The following SLCO1B3 variants were observed in gnomAD, a reference collection of about 807,000 sequenced individuals.
SLCO1B3 encodes the protein liver-specific organic anion transporter 2.
Under a neutral mutation model 71.8 loss-of-function variants are expected in SLCO1B3, and 72 were observed. The ratio of observed to expected loss-of-function variants is 1.00; its 90% confidence interval spans 0.83 to 1.22. The LOEUF is 1.22. SLCO1B3 is among the 50% of genes most tolerant of loss of function. The pLI, the probability that SLCO1B3 is intolerant of heterozygous loss-of-function variation, is 0.00. For synonymous variants in SLCO1B3, 298 were observed against 278.4 expected (o/e 1.07, Z -0.70); for missense variants, 911 against 819.7 (o/e 1.11, Z -1.36).
chr12:20,909,233 T>G (rs1338659431), intron 15 of SLCO1B3, among the ~76,000 whole-genome samples: 1 of 149,554 alleles, frequency 6.7e-6, no homozygotes, highest in Admixed American at 6.7e-5. Flanking sequence ...TGGCATGATC[T>G]CGGCTCACTG....
At position 20,878,090 on chromosome 12, in the gene SLCO1B3, T is replaced by C. The variant is rs4149140; in HGVS notation, c.1135+154T>C. 4.9e-4 allele frequency among the ~76,000 whole-genome samples: 75 copies of C among 152,112 alleles called. 1 individual carries two copies. In the East Asian group the frequency reaches 0.012, roughly 25 times the overall value. ...TACAAAATTTCTCCATCTTGTAATA[T>C]CATCGTTGTTCTGCATTTGAAGTTG... On this transcript the variant is annotated intron_variant, in intron 10 of 15. Coordinates refer to ENST00000381545, the MANE Select transcript of SLCO1B3 (RefSeq NM_019844.4).
At chr12:20,890,876 C>A (rs1349592752) in intron 13 of SLCO1B3, among the ~76,000 whole-genome samples, 1 of 151,714 alleles carries the variant, frequency 6.6e-6, no homozygotes, top group Non-Finnish European at 1.5e-5. Context: ...CTTTTTGCAC[C>A]CCTTTGGTTT....
chr12:20,852,634 G>A (rs1455611783), intron 3 of SLCO1B3, among the ~76,000 whole-genome samples: 1 of 151,864 alleles, frequency 6.6e-6, no homozygotes, highest in African/African-American at 2.4e-5. Context: ...TATTTAATAG[G>A]TTTCAGTGTA....
At chr12:20,880,296 CTAT>C (rs1317650370) in intron 11 of SLCO1B3, among the ~76,000 whole-genome samples, 25 of 151,502 alleles carry the variant, frequency 1.7e-4, no homozygotes, top group African/African-American at 5.3e-4. Context: ...TCAACTAATT[CTAT>C]TATTCTTGAT....
intron 3 of SLCO1B3, among the ~76,000 whole-genome samples, chr12:20,852,012 A>G (rs1055816398): frequency 2.6e-5 from 4 of 152,166 alleles, no homozygotes; most frequent in Non-Finnish European, 5.9e-5. Context: ...CCATTGTTTT[A>G]TATGATTATC....
At chr12:20,893,778 G>A (rs912108834) in intron 13 of SLCO1B3, among the ~76,000 whole-genome samples, 1 of 152,170 alleles carries the variant, frequency 6.6e-6, no homozygotes, top group African/African-American at 2.4e-5. Context: ...TAAACCATGT[G>A]GAATGAGAGC....
chr12:20,830,401 A>C (rs544178348), intron 3 of SLCO1B3, among the ~76,000 whole-genome samples: 1 of 152,310 alleles, frequency 6.6e-6, no homozygotes, highest in East Asian at 1.9e-4. Flanking sequence ...TTGAAGGGGA[A>C]GGAGAGGTGA....
chr12:20,857,498 A>G (rs1473559203), intron 4 of SLCO1B3, among the ~76,000 whole-genome samples: 1 of 151,656 alleles, frequency 6.6e-6, no homozygotes, highest in Non-Finnish European at 1.5e-5. Flanking sequence ...GTCATCTTTT[A>G]TATCAAGTTC....
intron 3 of SLCO1B3, among the ~76,000 whole-genome samples, chr12:20,843,276 GT>G (rs1339476379): frequency 5.9e-5 from 9 of 151,856 alleles, no homozygotes; most frequent in Admixed American, 5.9e-4. Context: ...ATTATCAAGT[GT>G]TTTATTCACC....
chr12:20,881,027 ATTAG>A lies in SLCO1B3; in HGVS notation c.1497+10_1497+13del. 1 of 1,575,992 alleles carries A rather than the reference ATTAG, an allele frequency of 6.3e-7. No homozygotes were observed. The highest frequency in any genetic ancestry group is 1.7e-4 in the Middle Eastern group (1 of 5,900). Reference sequence around the variant, plus strand: ...TGGTATTAAAAAGCATACAGTGAGTATTAGTTTTCACTTTTTCTCCTCTCCTTAA... The same window carrying A: ...TGGTATTAAAAAGCATACAGTGAGTATTTTCACTTTTTCTCCTCTCCTTAA... On this transcript the variant is annotated splice_region_variant and intron_variant, in intron 12 of 15. Coordinates refer to ENST00000381545, the MANE Select transcript of SLCO1B3 (RefSeq NM_019844.4).
intron 5 of SLCO1B3, among the ~76,000 whole-genome samples, chr12:20,860,425 A>T (rs1865236606): frequency 6.6e-6 from 1 of 152,164 alleles, no homozygotes; most frequent in African/African-American, 2.4e-5. Context: ...TTTGAAGTTG[A>T]GCAAAATGCC....
At chr12:20,881,624 CTGAT>C (rs910831431) in intron 12 of SLCO1B3, among the ~76,000 whole-genome samples, 1 of 152,100 alleles carries the variant, frequency 6.6e-6, no homozygotes. Context: ...ATCCTACTCA[CTGAT>C]TGCCAACATA....
chr12:20,883,908 T>C (rs1048491309), intron 13 of SLCO1B3, among the ~76,000 whole-genome samples: 1 of 152,206 alleles, frequency 6.6e-6, no homozygotes, highest in African/African-American at 2.4e-5. Context: ...GAACTTTTAA[T>C]TTTGAGTTGC....
rs563110118 is a variant in SLCO1B3 at position 20,862,929 on chromosome 12, T to G, written c.727+75T>G. On this transcript the variant is annotated intron_variant, in intron 8 of 15. Transcript: ENST00000381545. Reference sequence around the variant, plus strand: ...ACACCATTCTTCCAAAGAATTAAATTCAGTCTTTCAATAGTTCTTTGTTTA... The same window carrying G: ...ACACCATTCTTCCAAAGAATTAAATGCAGTCTTTCAATAGTTCTTTGTTTA... 1.8e-5 allele frequency: 14 copies of G among 758,348 alleles called. No individual in the cohort carries two copies. The South Asian group carries it at 2.2e-4, about 12-fold the overall frequency. 47.0% of individuals were successfully genotyped at this position (758,348 alleles called of 1,614,324 possible).
At chr12:20,875,593 A>T (rs1865566541) in intron 9 of SLCO1B3, 116 bp downstream of exon 9, 3 of 1,058,834 alleles carry the variant, frequency 2.8e-6, no homozygotes, top group Non-Finnish European at 4.0e-6. Flanking sequence ...CTTCTCTGCT[A>T]AATTTAGCTG....
rs181588872 is a variant in SLCO1B3 at position 20,870,999 on chromosome 12, C to A, written c.728-4236C>A. 1.1e-3 allele frequency among the ~76,000 whole-genome samples: 173 copies of A among 152,210 alleles called. 2 individuals are homozygous for A. The highest frequency in any genetic ancestry group is 3.9e-3 in the African/African-American group (161 of 41,550). On this transcript the variant is annotated intron_variant, in intron 8 of 15. Transcript: ENST00000381545. ...ATAATGTATCAGATTTATTGATTTG[C>A]ATATGTTGAACTAACTTTGGATCCC...
Position 20,879,628 on chromosome 12 carries a change from A to G in SLCO1B3, c.1328A>G (p.Asp443Gly), listed in dbSNP as rs771567653. ...KSVAGLTLTY[D>G]GNNSVASHVD... is the part of the protein sequence containing the mutation. ...GTTGCCGGCCTAACCTTGACCTATG[A>G]TGGGTTTGTATATATTGCTATATAA... Residue 443 changes from aspartate (D) to glycine (G), a missense_variant, in exon 11 of 16, where the codon GAT becomes GGT. Transcript: ENST00000381545. The G allele has an allele frequency of 1.9e-6, 3 of 1,592,796 alleles. No individual in the cohort carries two copies. The African/African-American group carries it at 4.1e-5, about 22-fold the overall frequency.
chr12:20,855,239 T>C, intron 4 of SLCO1B3, 70 bp downstream of exon 4: 1 of 1,309,758 alleles, frequency 7.6e-7, no homozygotes, highest in Admixed American at 2.1e-5. Context: ...CATGCATGCT[T>C]TATATCACTG....
intron 13 of SLCO1B3, among the ~76,000 whole-genome samples, chr12:20,891,570 T>C (rs1331027315): frequency 6.6e-6 from 1 of 152,128 alleles, no homozygotes; most frequent in Non-Finnish European, 1.5e-5. Context: ...TCTGGATCTG[T>C]AGTAAGTCAG....
Sources: allele counts gnomAD v4.1 joint callset (sites outside exome capture counted in the v4.1 genomes callset), GRCh38; gene constraint gnomAD v4.1.1; transcripts MANE v1.5; gene names NCBI Gene and HGNC (gene_info 2026-07-23, HGNC 2026-07-21).